The following TACC2 variants were observed in gnomAD, a reference collection of about 807,000 sequenced individuals.
The protein encoded by TACC2 is transforming acidic coiled-coil-containing protein 2.
TACC2 carries 137 observed loss-of-function variants against 227.3 expected under a neutral mutation model. The ratio of observed to expected loss-of-function variants is 0.60; its 90% confidence interval spans 0.52 to 0.69. The LOEUF is 0.69. Ranked by LOEUF, TACC2 falls within the 30% of genes least tolerant of loss-of-function variation. The probability of loss-of-function intolerance (pLI) is 0.00; values close to 1 mark genes in which losing one functional copy is unlikely to be tolerated. For missense variants in TACC2, 3,470 were observed against 3,694.4 expected, an observed-to-expected ratio of 0.94 and a Z score of 1.57; for synonymous variants, 1,523 against 1,487.5, an observed-to-expected ratio of 1.02 and a Z score of -0.55.
At chr10:122,122,156 C>T (rs2085947225) in intron 5 of TACC2, among the ~76,000 whole-genome samples, 1 of 152,282 alleles carries the variant, frequency 6.6e-6, no homozygotes, top group South Asian at 2.1e-4. Context: ...GAGATCGAGA[C>T]CATCCTGGCT....
chr10:122,034,927 C>CA (rs66566854), intron 2 of TACC2, among the ~76,000 whole-genome samples: 129 of 116,100 alleles, frequency 1.1e-3, no homozygotes, highest in South Asian at 1.4e-3. Context: ...GACTCCATCT[C>CA]AAAAAAAAAA....
At chr10:122,082,235 G>A (rs1186661036) in intron 3 of TACC2, among the ~76,000 whole-genome samples, 4 of 152,202 alleles carry the variant, frequency 2.6e-5, no homozygotes, top group African/African-American at 9.7e-5. Flanking sequence ...TTGAGCCGAG[G>A]AGGCCTAAGC....
rs202096818 is a variant in TACC2 at position 122,070,859 on chromosome 10, G to GC, written c.147-11788_147-11787insC. Among the ~76,000 whole-genome samples, 179 of 151,928 alleles carry GC rather than the reference G, an allele frequency of 1.2e-3. 5 individuals carry two copies. The East Asian group carries it at 0.024, about 20-fold the overall frequency. On this transcript the variant is annotated intron_variant, in intron 3 of 22. Transcript: ENST00000369005. ...AGAATCACTTGAGCCTGGAGGCAGA[G>GC]GTGGCAATGAGCTGAGATTGCACCC...
intron 3 of TACC2, among the ~76,000 whole-genome samples, chr10:122,061,105 C>T (rs1242280265): frequency 1.3e-5 from 2 of 150,090 alleles, no homozygotes; most frequent in Non-Finnish European, 3.0e-5. Flanking sequence ...GTCAGGAAAT[C>T]GAGACCATCC....
chr10:122,162,866 G>C (rs977052746), intron 7 of TACC2, among the ~76,000 whole-genome samples: 19 of 152,142 alleles, frequency 1.2e-4, no homozygotes, highest in African/African-American at 4.3e-4. Context: ...CACGCATGCT[G>C]CATTAGGGGC....
Position 122,216,609 on chromosome 10 carries a change from T to C in TACC2, c.7345-18T>C. The C allele has an allele frequency of 6.2e-7, 1 of 1,610,052 alleles. No individual in the cohort carries two copies. On this transcript the variant is annotated intron_variant, in intron 10 of 22. Coordinates refer to ENST00000369005, the MANE Select transcript of TACC2 (RefSeq NM_206862.4). Reference sequence around the variant, plus strand: ...AAGAGTCTGATGAGACAAGAAACAGTTTCTCTTCTCTTTGCAGGACCCCAC... The same window carrying C: ...AAGAGTCTGATGAGACAAGAAACAGCTTCTCTTCTCTTTGCAGGACCCCAC...
At position 122,226,383 on chromosome 10, in the gene TACC2, G is replaced by A. The variant is rs773920791; in HGVS notation, c.7626G>A (p.Pro2542=). 74 of 1,613,826 alleles carry A rather than the reference G, an allele frequency of 4.6e-5. No homozygotes were observed. The highest frequency in any genetic ancestry group is 5.8e-5 in the Non-Finnish European group (68 of 1,179,924). ...CCCTGCAGCAGGACGACGATGCCCC[G>A]AAGAAGCAGGCCTTGTACCTTATGT... ...GSSLPQDDDA[P]KKQALYLMFD... The change falls in exon 13 of 23, where the codon CCG becomes CCA. Residue 2542 remains proline (P), a synonymous_variant. Transcript: ENST00000369005.
chr10:122,242,387 CA>C (rs2096015646), intron 19 of TACC2, among the ~76,000 whole-genome samples: 1 of 152,174 alleles, frequency 6.6e-6, no homozygotes, highest in Non-Finnish European at 1.5e-5. Flanking sequence ...AGTTTAGACT[CA>C]AATGACACCT....
chr10:122,195,300 T>C (rs1475923193), intron 8 of TACC2, 124 bp downstream of exon 8: 1 of 802,566 alleles, frequency 1.2e-6, no homozygotes, highest in Non-Finnish European at 1.9e-6. Context: ...GGCTTTGAGT[T>C]GTGCTTGACG....
At chr10:122,230,481 C>T (rs1390131524) in intron 16 of TACC2, 41 bp downstream of exon 16, 6 of 1,568,256 alleles carry the variant, frequency 3.8e-6, no homozygotes, top group Non-Finnish European at 3.5e-6. Context: ...CTGAGAATGT[C>T]ATGTGTGCCG....
intron 5 of TACC2, among the ~76,000 whole-genome samples, chr10:122,111,907 T>C (rs7913662): frequency 0.83 from 126,713 of 152,172 alleles, 53,827 homozygotes; most frequent in East Asian, 0.98. Flanking sequence ...CGAGGAAACC[T>C]GTGATAAGCA....
intron 3 of TACC2, among the ~76,000 whole-genome samples, chr10:122,058,805 C>G (rs928130694): frequency 6.6e-6 from 1 of 151,910 alleles, no homozygotes; most frequent in Non-Finnish European, 1.5e-5. Flanking sequence ...GGATCAAGAA[C>G]CCAAAAGAAA....
At chr10:122,234,673 A>T (rs2141549200) in intron 16 of TACC2, among the ~76,000 whole-genome samples, 1 of 152,352 alleles carries the variant, frequency 6.6e-6, no homozygotes, top group East Asian at 1.9e-4. Flanking sequence ...GTCAGTGAAC[A>T]GTCTACATGG....
chr10:122,036,148 C>T (rs186786798), intron 2 of TACC2, among the ~76,000 whole-genome samples: 9 of 152,028 alleles, frequency 5.9e-5, no homozygotes, highest in Non-Finnish European at 8.8e-5. Flanking sequence ...TCTATAAGGC[C>T]GAATGATATT....
chr10:122,008,282 A>G (rs1185499344), intron 1 of TACC2, among the ~76,000 whole-genome samples: 1 of 37,770 alleles, frequency 2.6e-5, no homozygotes, highest in Non-Finnish European at 5.7e-5. Context: ...TTTTTGAGAC[A>G]GAATTTTGCT....
chr10:122,016,837 C>G (rs10887045), intron 1 of TACC2, among the ~76,000 whole-genome samples: 69,256 of 151,952 alleles, frequency 0.46, 15,936 homozygotes, highest in South Asian at 0.6. Flanking sequence ...AATGTGATTG[C>G]CTTTGGAGAT....
At chr10:121,994,766 C>A (rs991281749) in intron 1 of TACC2, 3 of 152,208 alleles carry the variant, frequency 2.0e-5, no homozygotes, top group Non-Finnish European at 4.4e-5. Context: ...GGCTTTAAAC[C>A]GGTTTGACTA....
intron 7 of TACC2, among the ~76,000 whole-genome samples, chr10:122,162,368 TG>T (rs1370611066): frequency 6.6e-6 from 1 of 152,248 alleles, no homozygotes; most frequent in East Asian, 1.9e-4. Flanking sequence ...TGAACAATTT[TG>T]TTTTTATTTT....
At chr10:122,069,321 A>C (rs534028221) in intron 3 of TACC2, among the ~76,000 whole-genome samples, 2 of 151,514 alleles carry the variant, frequency 1.3e-5, no homozygotes, top group Admixed American at 1.3e-4. Context: ...GGCTCACTAC[A>C]ATCTTCACCT....
Sources: gnomAD v4.1 joint callset for allele counts (sites outside exome capture counted in the v4.1 genomes callset) on GRCh38, gnomAD v4.1.1 for gene constraint, MANE v1.5 for transcripts, NCBI Gene and HGNC (gene_info 2026-07-23, HGNC 2026-07-21) for gene names.